TMEM44: variants seen among roughly 807,000 people sequenced by gnomAD.
The protein encoded by TMEM44 is transmembrane protein 44.
A neutral mutation model predicts 47.8 loss-of-function variants in TMEM44; 43 were observed. The observed-to-expected ratio is 0.90, with a 90% CI of 0.70 to 1.16. The LOEUF is 1.16. TMEM44 is among the 50% of genes most tolerant of loss of function. The pLI, the probability that TMEM44 is intolerant of heterozygous loss-of-function variation, is 0.00. For synonymous variants in TMEM44, 277 were observed against 238.8 expected, an observed-to-expected ratio of 1.16 and a Z score of -1.48; for missense variants, 568 against 555.2, an observed-to-expected ratio of 1.02 and a Z score of -0.23.
chr3:194,595,002 A>G (rs1298439741), intron 9 of TMEM44, among the ~76,000 whole-genome samples: 2 of 152,218 alleles, frequency 1.3e-5, no homozygotes, highest in Non-Finnish European at 2.9e-5. Context: ...TCAACCCCCC[A>G]GCCTAAAAAT....
chr3:194,632,841 C>T (rs1489340759), intron 1 of TMEM44: 1 of 649,482 alleles, frequency 1.5e-6, no homozygotes, highest in Non-Finnish European at 2.4e-6. Flanking sequence ...GTCCTCGGGG[C>T]CCCATCCGCT....
intron 3 of TMEM44, among the ~76,000 whole-genome samples, chr3:194,624,008 G>A (rs536510491): frequency 2.0e-5 from 3 of 152,222 alleles, no homozygotes; most frequent in Admixed American, 6.5e-5. Context: ...GGACTAGAGC[G>A]CCTAAGGATA....
At chr3:194,607,785 T>C (rs1029738036) in intron 8 of TMEM44, among the ~76,000 whole-genome samples, 2 of 152,148 alleles carry the variant, frequency 1.3e-5, no homozygotes, top group Admixed American at 6.5e-5. Flanking sequence ...TAACCCTCAG[T>C]AGACAGGCTA....
In TMEM44 at chr3:194,588,336, C is replaced by T. The variant is rs980317781; in HGVS notation, c.*193G>A. The T allele has an allele frequency of 8.4e-5, 49 of 582,106 alleles. No individual in the cohort carries two copies. The highest frequency in any genetic ancestry group is 1.9e-4 in the African/African-American group (10 of 53,508). 36.1% of individuals were successfully genotyped at this position (582,106 alleles called of 1,614,324 possible). A position where few individuals can be genotyped will look rare whatever the true frequency, so the allele number is the denominator to read the frequency against. Reference sequence around the variant, plus strand: ...AATGCTGGGCCTATCCAGGTCTGTCCGCAGTACCCAAAGTCGTAGCTCCGT... The same window carrying T: ...AATGCTGGGCCTATCCAGGTCTGTCTGCAGTACCCAAAGTCGTAGCTCCGT... On this transcript the variant is annotated 3_prime_UTR_variant, in exon 10 of 10. Transcript: ENST00000347147.
chr3:194,602,517 T>C (rs1043882516), intron 9 of TMEM44, among the ~76,000 whole-genome samples: 5 of 151,676 alleles, frequency 3.3e-5, no homozygotes, highest in Non-Finnish European at 7.4e-5. Context: ...CACCAGAATC[T>C]CTTGAACCCG....
chr3:194,608,603 G>C (rs2109179385), intron 8 of TMEM44, among the ~76,000 whole-genome samples: 1 of 152,330 alleles, frequency 6.6e-6, no homozygotes, highest in South Asian at 2.1e-4. Flanking sequence ...TGGAGAAGCA[G>C]ACATTTACGT....
At chr3:194,614,442 C>T (rs1423752545) in intron 7 of TMEM44, among the ~76,000 whole-genome samples, 2 of 152,180 alleles carry the variant, frequency 1.3e-5, no homozygotes, top group East Asian at 3.8e-4. Context: ...TCTCACTCTG[C>T]AGCTCAGGTT....
chr3:194,600,301 T>A (rs1439818262), intron 9 of TMEM44, among the ~76,000 whole-genome samples: 1 of 151,788 alleles, frequency 6.6e-6, no homozygotes, highest in Non-Finnish European at 1.5e-5. Context: ...GTTTGTATTT[T>A]TAGTAGAGAC....
intron 6 of TMEM44, 62 bp from the exon 7 acceptor site, chr3:194,615,759 C>A: frequency 6.3e-7 from 1 of 1,585,828 alleles, no homozygotes; most frequent in Non-Finnish European, 8.6e-7. Flanking sequence ...TGGCCCTTCA[C>A]CCCTCCACAC....
chr3:194,618,111 C>G (rs927553788), intron 5 of TMEM44, among the ~76,000 whole-genome samples: 3 of 152,194 alleles, frequency 2.0e-5, no homozygotes, highest in Non-Finnish European at 4.4e-5. Flanking sequence ...AATGCAAGAA[C>G]AGCCTAACAC....
intron 8 of TMEM44, among the ~76,000 whole-genome samples, chr3:194,606,120 C>T (rs934640943): frequency 6.6e-6 from 1 of 152,168 alleles, no homozygotes; most frequent in Non-Finnish European, 1.5e-5. Context: ...CAAGGCCTGA[C>T]CACACCTGCG....
chr3:194,597,662 A>AAG (rs1713588752), intron 9 of TMEM44, among the ~76,000 whole-genome samples: 1 of 150,136 alleles, frequency 6.7e-6, no homozygotes, highest in South Asian at 2.1e-4. Flanking sequence ...AAAAAAAAAA[A>AAG]AAAGAAAAAA....
At chr3:194,591,067 G>T (rs562623596) in intron 9 of TMEM44, among the ~76,000 whole-genome samples, 1 of 150,820 alleles carries the variant, frequency 6.6e-6, no homozygotes, top group Non-Finnish European at 1.5e-5. Flanking sequence ...AGTGGTGGGC[G>T]CCCGTAATCC....
At chr3:194,626,677 T>A (rs1424431771) in intron 2 of TMEM44, among the ~76,000 whole-genome samples, 3 of 150,662 alleles carry the variant, frequency 2.0e-5, no homozygotes, top group African/African-American at 2.4e-5. Flanking sequence ...AAGTATGTAG[T>A]TAAGTTTTTT....
chr3:194,623,772 T>G, intron 3 of TMEM44, 77 bp from the exon 4 acceptor site: 1 of 1,573,824 alleles, frequency 6.4e-7, no homozygotes, highest in Non-Finnish European at 8.7e-7. Context: ...TGGGAAGAAC[T>G]GGTGTCAGCT....
In TMEM44 at chr3:194,599,621, A is replaced by G. The variant is rs1371484674; in HGVS notation, c.1176+4666T>C. 8.2e-5 allele frequency among the ~76,000 whole-genome samples: 9 copies of G among 109,786 alleles called. 1 individual carries two copies. In the East Asian group the frequency reaches 2.2e-3, roughly 26 times the overall value. 72.0% of individuals were successfully genotyped at this position (109,786 alleles called of 152,430 possible). On this transcript the variant is annotated intron_variant, in intron 9 of 9. Transcript: ENST00000347147. ...TTTTTTTGAGACAGAGTCTCGTTCTATTGTCCAGGCTGGAATGCGGTGGCT... is the reference window on the plus strand; with the variant it reads ...TTTTTTTGAGACAGAGTCTCGTTCTGTTGTCCAGGCTGGAATGCGGTGGCT...
At chr3:194,630,539 G>A (rs1211106761) in intron 1 of TMEM44, among the ~76,000 whole-genome samples, 14 of 41,140 alleles carry the variant, frequency 3.4e-4, no homozygotes, top group Non-Finnish European at 5.3e-4. Context: ...TGTTTCCATC[G>A]GCGTCACTGA....
At chr3:194,632,772 C>T (rs1717952872) in intron 1 of TMEM44, among the ~76,000 whole-genome samples, 1 of 152,160 alleles carries the variant, frequency 6.6e-6, no homozygotes, top group African/African-American at 2.4e-5. Context: ...CTGGAGCTTG[C>T]CCAGGTCACA....
At chr3:194,625,815 T>A (rs1773191) in intron 3 of TMEM44, 82 bp downstream of exon 3, 1,022,318 of 1,263,232 alleles carry the variant, frequency 0.81, 415,793 homozygotes, top group East Asian at 0.96. Context: ...GGGCCCGCTC[T>A]GGGAGTGATA....
Sources: gnomAD v4.1 joint callset for allele counts (sites outside exome capture counted in the v4.1 genomes callset) on GRCh38, gnomAD v4.1.1 for gene constraint, MANE v1.5 for transcripts, NCBI Gene and HGNC (gene_info 2026-07-23, HGNC 2026-07-21) for gene names.